SEPTIN9: variants seen among roughly 807,000 people sequenced by gnomAD.
SEPTIN9 encodes septin 9.
Under a neutral mutation model 56.6 loss-of-function variants are expected in SEPTIN9, and 13 were observed. The ratio of observed to expected loss-of-function variants is 0.23; its 90% CI spans 0.15 to 0.37. The LOEUF is 0.37. Ranked by LOEUF, SEPTIN9 falls within the 10% of genes least tolerant of loss-of-function variation. The pLI is 1.00. For missense variants in SEPTIN9, 650 were observed against 823.1 expected (o/e 0.79, Z 2.57); for synonymous variants, 332 against 334.1 (o/e 0.99, Z 0.07).
At chr17:77,324,027 G>GC (rs1438239704) in intron 2 of SEPTIN9, among the ~76,000 whole-genome samples, 1 of 152,244 alleles carries the variant, frequency 6.6e-6, no homozygotes, top group African/African-American at 2.4e-5. Flanking sequence ...CCGAGGGGGA[G>GC]CCTGCTTCTC....
At chr17:77,478,950 T>C (rs1292447875) in intron 3 of SEPTIN9, among the ~76,000 whole-genome samples, 3 of 152,218 alleles carry the variant, frequency 2.0e-5, no homozygotes, top group South Asian at 2.1e-4. Flanking sequence ...TCCTGTAGGA[T>C]TCCACTTATA....
chr17:77,367,678 T>C lies in SEPTIN9; in HGVS notation c.77-34381T>C, dbSNP rs2034611052. On this transcript the variant is annotated intron_variant, in intron 2 of 11. Transcript: ENST00000427177. The surrounding 1 kb of genome is among the most constrained non-coding windows in gnomAD (Gnocchi z 4.5). ...TAAAAAAACAAAAATTAGCCGGGCA[T>C]GGTAGCGGGTGCCTGTAATCCCAGC... Among the ~76,000 whole-genome samples, 1 of 151,962 alleles carries C rather than the reference T, an allele frequency of 6.6e-6. No individual in the cohort carries two copies. Among genetic ancestry groups the C allele is most frequent in the Non-Finnish European group, 1.5e-5 (1 of 67,982 alleles).
rs555889843 is a variant in SEPTIN9 at position 77,494,948 on chromosome 17, C to T, written c.1573+1872C>T. Among the ~76,000 whole-genome samples, 13 of 152,356 alleles carry T rather than the reference C, an allele frequency of 8.5e-5. No homozygotes were observed. In the East Asian group the frequency reaches 9.6e-4, roughly 11 times the overall value. ...GTTTTCCAGTATCCGCCTGTGGTGT[C>T]AGGCTGGCTTGCCTCCCCTTGGCCC... is the stretch of plus-strand genomic sequence containing the variant. On this transcript the variant is annotated intron_variant, in intron 10 of 11. Coordinates refer to ENST00000427177, the MANE Select transcript of SEPTIN9 (RefSeq NM_001113491.2).
intron 3 of SEPTIN9, among the ~76,000 whole-genome samples, chr17:77,464,933 A>C (rs1028870526): frequency 2.0e-5 from 3 of 152,176 alleles, no homozygotes; most frequent in Admixed American, 6.5e-5. Context: ...AGCCATCGCC[A>C]TTAATCCCAG....
At chr17:77,457,504 G>A (rs1242863292) in intron 3 of SEPTIN9, among the ~76,000 whole-genome samples, 3 of 152,192 alleles carry the variant, frequency 2.0e-5, no homozygotes, top group East Asian at 3.9e-4. Context: ...TATGCGCTGG[G>A]CCTTGGCAGA....
chr17:77,408,425 G>A (rs944080343), intron 3 of SEPTIN9, among the ~76,000 whole-genome samples: 3 of 151,830 alleles, frequency 2.0e-5, no homozygotes, highest in South Asian at 2.1e-4. Context: ...TGGGTGGAGC[G>A]TTGAGGGAGC....
In SEPTIN9 at chr17:77,450,009, T is replaced by C. The variant is rs1465246530; in HGVS notation, c.722-32135T>C. On this transcript the variant is annotated intron_variant, in intron 3 of 11. Coordinates refer to ENST00000427177, the MANE Select transcript of SEPTIN9 (RefSeq NM_001113491.2). The surrounding 1 kb of genome is among the most constrained non-coding windows in gnomAD (Gnocchi z 6.0). ...GCCACCAGCCTCCCTCCCATTCAGA[T>C]GGGAACAGGGACTCCGGGCATGCAG... 1.3e-5 allele frequency among the ~76,000 whole-genome samples: 2 copies of C among 151,932 alleles called. No individual in the cohort carries two copies. The highest frequency in any genetic ancestry group is 2.9e-5 in the Non-Finnish European group (2 of 68,004).
chr17:77,309,741 T>TA (rs72284371), intron 2 of SEPTIN9, among the ~76,000 whole-genome samples: 36 of 150,178 alleles, frequency 2.4e-4, no homozygotes, highest in South Asian at 4.2e-4. Flanking sequence ...TCTTTCCTTT[T>TA]AAAAAAAAAA....
At chr17:77,345,030 C>T (rs1020168620) in intron 2 of SEPTIN9, among the ~76,000 whole-genome samples, 1 of 149,274 alleles carries the variant, frequency 6.7e-6, no homozygotes, top group Admixed American at 6.7e-5. Context: ...CATAGATGAG[C>T]CTTGAAGACA....
rs943281146 is a variant in SEPTIN9, at chr17:77,453,475, C to T, written c.722-28669C>T. ...ACTGGCTAATCCGGGCATGGTGGCG[C>T]GTGCCTGTAATGGCAGCTACTCGGG... On this transcript the variant is annotated intron_variant, in intron 3 of 11. Transcript: ENST00000427177. The surrounding 1 kb of genome is among the most constrained non-coding windows in gnomAD (Gnocchi z 4.4). 1.3e-5 allele frequency among the ~76,000 whole-genome samples: 2 copies of T among 151,148 alleles called. No homozygotes were observed. Among genetic ancestry groups the T allele is most frequent in the Admixed American group, 6.6e-5 (1 of 15,238 alleles).
chr17:77,404,392 C>T (rs1434254390), intron 3 of SEPTIN9, among the ~76,000 whole-genome samples: 5 of 152,104 alleles, frequency 3.3e-5, no homozygotes, highest in South Asian at 2.1e-4. Context: ...CCACAGGTTG[C>T]GCGCCACCAT....
intron 2 of SEPTIN9, chr17:77,373,384 C>G (rs2034790741): frequency 8.1e-7 from 1 of 1,238,704 alleles, no homozygotes; most frequent in Admixed American, 4.5e-5. Flanking sequence ...CGGCGGCTAG[C>G]TCTGCACTGC....
At chr17:77,291,871 G>A (rs1465526949) in intron 1 of SEPTIN9, among the ~76,000 whole-genome samples, 1 of 152,130 alleles carries the variant, frequency 6.6e-6, no homozygotes, top group Non-Finnish European at 1.5e-5. Context: ...CCCTTTTCTG[G>A]TATTTCTGGG....
rs1555679146 is a variant in SEPTIN9, at chr17:77,486,535, C to CGCGT, written c.914-887_914-884dup. Among the ~76,000 whole-genome samples, 375 of 120,384 alleles carry CGCGT rather than the reference C, an allele frequency of 3.1e-3. 3 individuals carry two copies. Among genetic ancestry groups the CGCGT allele is most frequent in the African/African-American group, 0.013 (353 of 26,388 alleles). 79.0% of individuals were successfully genotyped at this position (120,384 alleles called of 152,430 possible). On this transcript the variant is annotated intron_variant, in intron 4 of 11. Transcript: ENST00000427177. ...GTGTGTGTGTGTGCGCGCACGCGCGCGCGTGTTATATGTGATTTGTTTGTG... is the reference window on the plus strand; with the variant it reads ...GTGTGTGTGTGTGCGCGCACGCGCGCGCGTGCGTGTTATATGTGATTTGTTTGTG...
chr17:77,301,619 G>A (rs770983831), intron 1 of SEPTIN9, among the ~76,000 whole-genome samples: 21 of 151,992 alleles, frequency 1.4e-4, no homozygotes, highest in Non-Finnish European at 2.8e-4. Context: ...CACCATGTTG[G>A]TCAGGCTGAT....
intron 2 of SEPTIN9, among the ~76,000 whole-genome samples, chr17:77,352,094 G>T (rs1210347929): frequency 6.6e-6 from 1 of 152,200 alleles, no homozygotes; most frequent in African/African-American, 2.4e-5. Flanking sequence ...CACAAATGAG[G>T]TGACTCAAAA....
In SEPTIN9 at chr17:77,317,083, A is replaced by G. The variant is rs2032737785; in HGVS notation, c.76+9886A>G. ...ACAATGTTTTAGGAAGAAATAGAAT[A>G]ACAGAAAGCAACTCCAGTGAGCTGA... is the stretch of plus-strand genomic sequence containing the variant. On this transcript the variant is annotated intron_variant, in intron 2 of 11. Transcript: ENST00000427177. This position sits in a 1 kb window ranked among gnomAD's most constrained non-coding sequence, Gnocchi z 4.2. 6.6e-6 allele frequency among the ~76,000 whole-genome samples: 1 copy of G among 152,216 alleles called. No individual in the cohort carries two copies. The highest frequency in any genetic ancestry group is 2.4e-5 in the African/African-American group (1 of 41,454).
At chr17:77,353,133 C>T (rs2034116338) in intron 2 of SEPTIN9, among the ~76,000 whole-genome samples, 1 of 152,196 alleles carries the variant, frequency 6.6e-6, no homozygotes. Context: ...CAATGGGTCT[C>T]ACCCACAGAA....
Position 77,429,050 on chromosome 17 carries a change from G to A in SEPTIN9, c.721+26347G>A, listed in dbSNP as rs1467958164. 1.5e-5 allele frequency: 7 copies of A among 471,440 alleles called. No individual in the cohort carries two copies. The highest frequency in any genetic ancestry group is 3.1e-5 in the Non-Finnish European group (7 of 227,158). 29.2% of individuals were successfully genotyped at this position (471,440 alleles called of 1,614,324 possible). A position where few individuals can be genotyped will look rare whatever the true frequency, so the allele number is the denominator to read the frequency against. ...GCATCTCAGCAGCCCTCCGCCCCCT[G>A]CTCCTGGTTGCAGATGTACCTGTTC... On this transcript the variant is annotated intron_variant, in intron 3 of 11. Coordinates refer to ENST00000427177, the MANE Select transcript of SEPTIN9 (RefSeq NM_001113491.2). The surrounding 1 kb of genome is among the most constrained non-coding windows in gnomAD (Gnocchi z 5.2).
Sources: allele counts gnomAD v4.1 joint callset (sites outside exome capture counted in the v4.1 genomes callset), GRCh38; gene constraint gnomAD v4.1.1; non-coding constraint Gnocchi (gnomAD v3.1); transcripts MANE v1.5; gene names NCBI Gene and HGNC (gene_info 2026-07-23, HGNC 2026-07-21).